COPS5: variants seen among roughly 807,000 people sequenced by gnomAD.
COPS5 encodes the protein COP9 signalosome complex subunit 5.
COPS5 carries 8 observed loss-of-function variants against 44.4 expected under a neutral mutation model. The observed-to-expected ratio is 0.18, with a 90% confidence interval of 0.11 to 0.32. The LOEUF (loss-of-function observed/expected upper bound fraction) is 0.32. COPS5 is among the 10% of genes least tolerant of loss of function. The pLI, the probability that COPS5 is intolerant of heterozygous loss-of-function variation, is 1.00. For missense variants in COPS5, 159 were observed against 406.4 expected (o/e 0.39, Z 5.23); for synonymous variants, 122 against 142.8 (o/e 0.85, Z 1.04).
intron 6 of COPS5, among the ~76,000 whole-genome samples, chr8:67,046,466 T>A (rs1816700182): frequency 6.6e-6 from 1 of 152,192 alleles, no homozygotes; most frequent in Non-Finnish European, 1.5e-5. Flanking sequence ...AATTTTGCTA[T>A]TGTTTTTGTG....
At chr8:67,048,715 CAA>C (rs377157256) in intron 6 of COPS5, among the ~76,000 whole-genome samples, 17 of 63,736 alleles carry the variant, frequency 2.7e-4, no homozygotes, top group East Asian at 5.2e-4. Flanking sequence ...GACTCCATCT[CAA>C]AAAAAAAAAA....
rs34629150 is a variant in COPS5 at position 67,050,558 on chromosome 8, A to AGTGTGTGTGTGT, written c.771+660_771+671dup. Among the ~76,000 whole-genome samples the AGTGTGTGTGTGT allele has an allele frequency of 8.2e-3, 1,158 of 141,072 alleles. 16 individuals are homozygous for AGTGTGTGTGTGT. The highest frequency in any genetic ancestry group is 0.025 in the African/African-American group (974 of 38,374). The allele number at this position is 141,072 out of a possible 152,430, so 92.5% of individuals were successfully genotyped here. ...TTTTGCCCGGAAATATGTGAGTGTG[A>AGTGTGTGTGTGT]GTGTGTGTGTGTGTGTGTGTGTGTG... On this transcript the variant is annotated intron_variant, in intron 6 of 7. Coordinates refer to ENST00000357849, the MANE Select transcript of COPS5 (RefSeq NM_006837.3).
At chr8:67,060,281 G>A (rs556394023) in intron 1 of COPS5, 1 of 1,073,584 alleles carries the variant, frequency 9.3e-7, no homozygotes, top group African/African-American at 1.7e-5. Context: ...TAGACAGTGA[G>A]GCAGGCCAAC....
At chr8:67,056,485 G>A (rs202235459) in intron 5 of COPS5, 34 bp downstream of exon 5, 26 of 800,858 alleles carry the variant, frequency 3.2e-5, no homozygotes, top group South Asian at 1.1e-4. Flanking sequence ...GTGAGTCACC[G>A]TGCCTGGCCC....
intron 5 of COPS5, among the ~76,000 whole-genome samples, chr8:67,055,564 TCACCATCAAAAA>T (rs1804490326): frequency 2.6e-5 from 4 of 152,170 alleles, no homozygotes; most frequent in Admixed American, 2.0e-4. Context: ...ATCATAAAAT[TCACCATCAAAAA>T]AGGTACGTAG....
At chr8:67,045,603 C>G in intron 7 of COPS5, 1 of 563,164 alleles carries the variant, frequency 1.8e-6, no homozygotes, top group Non-Finnish European at 3.1e-6. Context: ...TTGATTTAAG[C>G]CTTTTCATGT....
intron 5 of COPS5, among the ~76,000 whole-genome samples, chr8:67,054,634 T>G (rs923659971): frequency 1.3e-5 from 2 of 152,190 alleles, no homozygotes; most frequent in African/African-American, 4.8e-5. Flanking sequence ...CCACATATAT[T>G]TAAGAATTTA....
chr8:67,048,005 G>A (rs932351492), intron 6 of COPS5: 5 of 661,964 alleles, frequency 7.6e-6, no homozygotes, highest in East Asian at 2.7e-5. Flanking sequence ...ACTGGGCGCC[G>A]TGGCTCATGC....
chr8:67,048,787 C>A (rs1446136021), intron 6 of COPS5, among the ~76,000 whole-genome samples: 2 of 151,124 alleles, frequency 1.3e-5, no homozygotes, highest in Non-Finnish European at 1.5e-5. Flanking sequence ...ATATAATGCA[C>A]CAAATTAAAA....
chr8:67,051,134 C>A (rs1804407441), intron 6 of COPS5, 96 bp downstream of exon 6: 1 of 844,502 alleles, frequency 1.2e-6, no homozygotes, highest in Non-Finnish European at 2.0e-6. Flanking sequence ...TTGGCCAAGT[C>A]AGGTATAGCC....
At chr8:67,054,873 T>C (rs182582174) in intron 5 of COPS5, among the ~76,000 whole-genome samples, 2 of 152,220 alleles carry the variant, frequency 1.3e-5, no homozygotes, top group African/African-American at 4.8e-5. Flanking sequence ...GTTCACATTC[T>C]AAAGGGGTCA....
chr8:67,045,551 A>G, intron 7 of COPS5: 1 of 414,766 alleles, frequency 2.4e-6, no homozygotes, highest in South Asian at 3.7e-5. Context: ...AGTTGAACCT[A>G]GAAAAGGTGA....
chr8:67,057,171 G>A (rs1022656037), intron 4 of COPS5, among the ~76,000 whole-genome samples: 1 of 151,994 alleles, frequency 6.6e-6, no homozygotes, highest in African/African-American at 2.4e-5. Context: ...TTAATAATAA[G>A]TCAAATATTT....
At chr8:67,048,991 C>G (rs1816735383) in intron 6 of COPS5, among the ~76,000 whole-genome samples, 2 of 152,084 alleles carry the variant, frequency 1.3e-5, no homozygotes, top group Admixed American at 1.3e-4. Flanking sequence ...GAGTTGTTTT[C>G]AAAGTCAGTT....
intron 6 of COPS5, 38 bp from the exon 7 acceptor site, chr8:67,045,998 A>C: frequency 6.4e-7 from 1 of 1,569,070 alleles, no homozygotes; most frequent in Non-Finnish European, 8.7e-7. Context: ...GCAAAACACA[A>C]GTCTACCATT....
At chr8:67,045,498 C>A (rs1816689402) in intron 7 of COPS5, 4 of 284,544 alleles carry the variant, frequency 1.4e-5, no homozygotes, top group Non-Finnish European at 2.0e-5. Flanking sequence ...CACACACACA[C>A]ACTTTAAAGA....
intron 6 of COPS5, among the ~76,000 whole-genome samples, chr8:67,050,001 C>CTTTTTTTT (rs548690353): frequency 7.2e-6 from 1 of 138,736 alleles, no homozygotes. Context: ...GTGATACTCT[C>CTTTTTTTT]TTTTTTTTTT....
Position 67,043,119 on chromosome 8 carries a change from G to C in COPS5, c.*114C>G, listed in dbSNP as rs1209091628. 30 of 587,890 alleles carry C rather than the reference G, an allele frequency of 5.1e-5. No individual in the cohort carries two copies. In the Admixed American group the frequency reaches 9.3e-4, roughly 18 times the overall value. 36.4% of individuals were successfully genotyped at this position (587,890 alleles called of 1,614,324 possible). A position where few individuals can be genotyped will look rare whatever the true frequency, so the allele number is the denominator to read the frequency against. On this transcript the variant is annotated 3_prime_UTR_variant, in exon 8 of 8. Transcript: ENST00000357849. ...CTTTATTACAGGATATTAATATTTA[G>C]GACACTTCAGAGCACCTTATACTTC...
At chr8:67,049,578 TTATCTC>T (rs1286942125) in intron 6 of COPS5, among the ~76,000 whole-genome samples, 3 of 152,246 alleles carry the variant, frequency 2.0e-5, no homozygotes, top group Non-Finnish European at 2.9e-5. Flanking sequence ...GAATAATTCT[TTATCTC>T]TAACTTTCAC....
Sources: allele counts gnomAD v4.1 joint callset (sites outside exome capture counted in the v4.1 genomes callset), GRCh38; gene constraint gnomAD v4.1.1; transcripts MANE v1.5; gene names NCBI Gene and HGNC (gene_info 2026-07-23, HGNC 2026-07-21).